Variants in POMGNT2 observed in about 807,000 individuals in gnomAD.
POMGNT2 encodes protein O-linked mannose N-acetylglucosaminyltransferase 2 (beta 1,4-).
Under a neutral mutation model 37.8 loss-of-function variants are expected in POMGNT2, and 32 were observed. That is an observed-to-expected ratio of 0.85 (90% CI 0.64 to 1.14). POMGNT2 has a LOEUF of 1.14. Among genes scored for constraint, POMGNT2 ranks in the 50% most tolerant of loss-of-function variants. POMGNT2 has a pLI of 0.00. For synonymous variants in POMGNT2, 340 were observed against 336.8 expected (o/e 1.01, Z -0.10); for missense variants, 705 against 780.6 (o/e 0.90, Z 1.15).
rs2089831608 is a variant in POMGNT2, at chr3:43,079,942, G to A, written c.1490C>T (p.Ala497Val). The A allele has an allele frequency of 1.2e-6, 2 of 1,613,980 alleles. No individual in the cohort carries two copies. Among genetic ancestry groups the A allele is most frequent in the African/African-American group, 1.3e-5 (1 of 75,064 alleles). The change falls in exon 2 of 2, where the codon GCC becomes GTC. Residue 497 changes from alanine (A) to valine (V), a missense_variant. Physicochemically the swap from Ala to Val is moderately conservative, Grantham distance 64 (BLOSUM62 0). Transcript: ENST00000344697. The stretch of plus-strand genomic sequence containing the variant: ...GGAGACAGTGAGGCGGGCCTCGGAG[G>A]CGCCATGCACTGACGCCTGGCACCG... ...EARCQASVHG[A>V]SEARLTVSWQ...
rs767654904 is a variant in POMGNT2 at position 43,080,621 on chromosome 3, T to A, written c.811A>T (p.Met271Leu). Reference sequence around the variant, plus strand: ...TGGCTCACGTTCAGCTTTTCTGTCATGAACCGTGCAAACTGCCGGATCTCA... The same window carrying A: ...TGGCTCACGTTCAGCTTTTCTGTCAAGAACCGTGCAAACTGCCGGATCTCA... ...GNEIRQFARF[M>L]TEKLNVSHTG... Residue 271 changes from methionine (M) to leucine (L), a missense_variant, in exon 2 of 2, where the codon ATG becomes TTG. Physicochemically the swap from Met to Leu is conservative, Grantham distance 15. Transcript: ENST00000344697. 6.2e-7 allele frequency: 1 copy of A among 1,614,094 alleles called. No homozygotes were observed. Among genetic ancestry groups the A allele is most frequent in the Non-Finnish European group, 8.5e-7 (1 of 1,180,030 alleles).
rs368381386 is a variant in POMGNT2 at position 43,080,567 on chromosome 3, T to C, written c.865A>G (p.Ile289Val). ...TTCTGGGTTCGGCTAAAGACCAGAA[T>C]GTACTCCTCGCCTAGGGGGACTCCT... ...HTGVPLGEEYILVFSRTQNRL... is the reference protein window; with the variant it reads ...HTGVPLGEEYVLVFSRTQNRL... The change falls in exon 2 of 2, where the codon ATT (isoleucine) becomes GTT (valine). Residue 289 changes from isoleucine (I) to valine (V), a missense_variant. Coordinates refer to ENST00000344697, the MANE Select transcript of POMGNT2 (RefSeq NM_032806.6). 13 of 1,614,100 alleles carry C rather than the reference T, an allele frequency of 8.1e-6. No homozygotes were observed. Among genetic ancestry groups the C allele is most frequent in the Non-Finnish European group, 1.1e-5 (13 of 1,180,046 alleles).
chr3:43,081,373 C>T lies in POMGNT2; in HGVS notation c.59G>A (p.Trp20Ter). The change falls in exon 2 of 2, where the codon TGG (tryptophan) becomes TAG (stop). Residue 20 changes from tryptophan (W) to a stop codon, truncating the protein, a stop_gained. Transcript: ENST00000344697. LOFTEE classifies it high-confidence loss of function. Reference protein sequence around the residue: ...LLVSVLAAVLWKHVRLREHAA... With the variant: ...LLVSVLAAVL Reference sequence around the variant, plus strand: ...ATGCTCACGCAGCCGCACATGCTTCCACAGGACCGCTGCCAGCACCGACAC... The same window carrying T: ...ATGCTCACGCAGCCGCACATGCTTCTACAGGACCGCTGCCAGCACCGACAC... 6.2e-7 allele frequency: 1 copy of T among 1,607,112 alleles called. No homozygotes were observed. The highest frequency in any genetic ancestry group is 8.5e-7 in the Non-Finnish European group (1 of 1,178,416).
intron 1 of POMGNT2, among the ~76,000 whole-genome samples, chr3:43,088,417 T>A (rs2089915170): frequency 6.6e-6 from 1 of 152,042 alleles, no homozygotes; most frequent in South Asian, 2.1e-4. Flanking sequence ...CCAGGTCGAG[T>A]GTACTGACAG....
intron 1 of POMGNT2, among the ~76,000 whole-genome samples, chr3:43,091,258 G>A (rs2089940913): frequency 1.5e-5 from 2 of 132,426 alleles, no homozygotes; most frequent in Non-Finnish European, 3.4e-5. Flanking sequence ...GTGCCAGAAT[G>A]TAAAAGTATT....
chr3:43,097,502 G>C (rs1361601600), intron 1 of POMGNT2, among the ~76,000 whole-genome samples: 2 of 152,076 alleles, frequency 1.3e-5, no homozygotes, highest in African/African-American at 4.8e-5. Context: ...AGGTGAGCAA[G>C]GGGGAAAGGG....
intron 1 of POMGNT2, among the ~76,000 whole-genome samples, chr3:43,100,953 G>C (rs897949025): frequency 1.3e-5 from 2 of 152,200 alleles, no homozygotes; most frequent in Non-Finnish European, 2.9e-5. Flanking sequence ...CCTTGGGGCA[G>C]CCAGGATGAG....
At chr3:43,103,683 A>T (rs1204234335) in intron 1 of POMGNT2, among the ~76,000 whole-genome samples, 1 of 152,196 alleles carries the variant, frequency 6.6e-6, no homozygotes, top group Non-Finnish European at 1.5e-5. Context: ...GCCCCAGGTC[A>T]TAACTGGGCT....
At chr3:43,102,915 A>G (rs948876198) in intron 1 of POMGNT2, among the ~76,000 whole-genome samples, 1 of 152,172 alleles carries the variant, frequency 6.6e-6, no homozygotes, top group Non-Finnish European at 1.5e-5. Flanking sequence ...GTAGAACCAC[A>G]GGCCCTGGAC....
At chr3:43,082,061 G>A (rs1468702107) in intron 1 of POMGNT2, among the ~76,000 whole-genome samples, 3 of 152,220 alleles carry the variant, frequency 2.0e-5, no homozygotes, top group Non-Finnish European at 4.4e-5. Flanking sequence ...CATCAGGGCT[G>A]AGCAACAGCT....
intron 1 of POMGNT2, chr3:43,087,445 G>A (rs503174): frequency 0.33 from 49,904 of 152,226 alleles, 9,968 homozygotes; most frequent in East Asian, 0.51. Context: ...GAACACACCT[G>A]CTGCAGCACT....
intron 1 of POMGNT2, among the ~76,000 whole-genome samples, chr3:43,104,281 G>C (rs1018535545): frequency 6.6e-6 from 1 of 152,186 alleles, no homozygotes; most frequent in Non-Finnish European, 1.5e-5. Context: ...GTAGGTCCTG[G>C]GGGGAAAGTA....
At position 43,081,359 on chromosome 3, in the gene POMGNT2, G is replaced by C. The variant is rs1559415064; in HGVS notation, c.73C>G (p.Leu25Val). Reference protein sequence around the residue: ...LAAVLWKHVRLREHAATLEEE... With the variant: ...LAAVLWKHVRVREHAATLEEE... ...TCCAGTGTGGCTGCATGCTCACGCAGCCGCACATGCTTCCACAGGACCGCT... is the reference window on the plus strand; with the variant it reads ...TCCAGTGTGGCTGCATGCTCACGCACCCGCACATGCTTCCACAGGACCGCT... Residue 25 changes from leucine to valine, a missense_variant, in exon 2 of 2, where the codon CTG becomes GTG. Leu to Val is a conservative substitution (Grantham distance 32, BLOSUM62 1). Coordinates refer to ENST00000344697, the MANE Select transcript of POMGNT2 (RefSeq NM_032806.6). 5.6e-6 allele frequency: 9 copies of C among 1,608,986 alleles called. No homozygotes were observed. The East Asian group carries it at 2.0e-4, about 36-fold the overall frequency.
intron 1 of POMGNT2, among the ~76,000 whole-genome samples, chr3:43,083,550 C>T (rs1169530953): frequency 2.0e-5 from 3 of 152,160 alleles, no homozygotes; most frequent in Non-Finnish European, 2.9e-5. Context: ...GAGTATATCC[C>T]TTGATATAGA....
intron 1 of POMGNT2, among the ~76,000 whole-genome samples, chr3:43,091,268 T>A (rs200094565): frequency 6.7e-6 from 1 of 149,848 alleles, no homozygotes; most frequent in Non-Finnish European, 1.5e-5. Context: ...GTAAAAGTAT[T>A]AAAAAAAAAA....
chr3:43,097,566 C>T (rs2089989124), intron 1 of POMGNT2, among the ~76,000 whole-genome samples: 1 of 152,040 alleles, frequency 6.6e-6, no homozygotes. Context: ...ACACTCTGAT[C>T]TCTTTTCCTC....
In POMGNT2 at chr3:43,081,278, C is replaced by A; in HGVS notation, c.154G>T (p.Asp52Tyr). ...AGGATCTGCAGTGCCTTCGGGTAGT[C>A]GATCCTCAGTGCTGGGGCTGGCTCT... is the stretch of plus-strand genomic sequence containing the variant. ...ATEPAPALRIDYPKALQILME... is the reference protein window; with the variant it reads ...ATEPAPALRIYYPKALQILME... Residue 52 changes from aspartate (D) to tyrosine (Y), a missense_variant, in exon 2 of 2, where the codon GAC (aspartate) becomes TAC (tyrosine). By Grantham distance (160) the Asp-to-Tyr change is radical. Transcript: ENST00000344697. The A allele has an allele frequency of 6.2e-7, 1 of 1,613,266 alleles. No individual in the cohort carries two copies. The highest frequency in any genetic ancestry group is 8.5e-7 in the Non-Finnish European group (1 of 1,180,022).
rs1173476689 is a variant in POMGNT2 at position 43,079,517 on chromosome 3, C to A, written c.*172G>T. On this transcript the variant is annotated 3_prime_UTR_variant, in exon 2 of 2. Coordinates refer to ENST00000344697, the MANE Select transcript of POMGNT2 (RefSeq NM_032806.6). Reference sequence around the variant, plus strand: ...GAGAAGGGGAAGTCAGGTCCCTTATCTCTAGGGCAAAGAGGAGTGCTGTGA... The same window carrying A: ...GAGAAGGGGAAGTCAGGTCCCTTATATCTAGGGCAAAGAGGAGTGCTGTGA... 1 of 609,884 alleles carries A rather than the reference C, an allele frequency of 1.6e-6. No individual in the cohort carries two copies. Among genetic ancestry groups the A allele is most frequent in the African/African-American group, 1.9e-5 (1 of 53,886 alleles). The allele number at this position is 609,884 out of a possible 1,614,324, so 37.8% of individuals were successfully genotyped here.
Position 43,081,310 on chromosome 3 carries a change from T to G in POMGNT2, c.122A>C (p.Gln41Pro), listed in dbSNP as rs775109394. 1 of 1,612,370 alleles carries G rather than the reference T, an allele frequency of 6.2e-7. No homozygotes were observed. The highest frequency in any genetic ancestry group is 8.5e-7 in the Non-Finnish European group (1 of 1,179,992). Residue 41 changes from glutamine (Q) to proline (P), a missense_variant, in exon 2 of 2, where the codon CAG becomes CCG. Physicochemically the swap from Gln to Pro is moderately conservative, Grantham distance 76 (BLOSUM62 -1). Coordinates refer to ENST00000344697, the MANE Select transcript of POMGNT2 (RefSeq NM_032806.6). ...CAGTGCTGGGGCTGGCTCTGTGGCCTGTCGGCTGAGGGCCAGCTCCTCCTC... is the reference window on the plus strand; with the variant it reads ...CAGTGCTGGGGCTGGCTCTGTGGCCGGTCGGCTGAGGGCCAGCTCCTCCTC... ...TLEEELALSR[Q>P]ATEPAPALRI...
Sources: gnomAD v4.1 joint callset for allele counts (sites outside exome capture counted in the v4.1 genomes callset) on GRCh38, gnomAD v4.1.1 for gene constraint, MANE v1.5 for transcripts, NCBI Gene and HGNC (gene_info 2026-07-23, HGNC 2026-07-21) for gene names.